The following DNAJC10 variants were observed in gnomAD, a reference collection of about 807,000 sequenced individuals.
DNAJC10 encodes DnaJ heat shock protein family (Hsp40) member C10.
DNAJC10 carries 101 observed loss-of-function variants against 115.0 expected under a neutral mutation model. That is an observed-to-expected ratio of 0.88 (90% CI 0.75 to 1.04). The LOEUF is 1.04. DNAJC10 is among the 50% of genes least tolerant of loss of function. The probability of loss-of-function intolerance (pLI) is 0.00; values close to 1 mark genes in which losing one functional copy is unlikely to be tolerated. For synonymous variants in DNAJC10, 307 were observed against 301.5 expected, an observed-to-expected ratio of 1.02 and a Z score of -0.19; for missense variants, 981 against 928.8, an observed-to-expected ratio of 1.06 and a Z score of -0.73.
rs1365173321 is a variant in DNAJC10 at position 182,780,345 on chromosome 2, TAAA to T, written c.*3215_*3217del. 3 of 152,134 alleles carry T rather than the reference TAAA, an allele frequency of 2.0e-5. No individual in the cohort carries two copies. Among genetic ancestry groups the T allele is most frequent in the African/African-American group, 4.8e-5 (2 of 41,410 alleles). The allele number at this position is 152,134 out of a possible 1,614,324, so 9.4% of individuals were successfully genotyped here. ...GTTTATTCCTGCAAGAGCTGGTTGT[TAAA>T]AGGAACTTGGCACCACCACCTCCTC... is the stretch of plus-strand genomic sequence containing the variant. On this transcript the variant is annotated 3_prime_UTR_variant, in exon 24 of 24. Transcript: ENST00000264065.
chr2:182,721,285 A>G (rs768173261), intron 4 of DNAJC10, among the ~76,000 whole-genome samples: 2 of 152,150 alleles, frequency 1.3e-5, no homozygotes, highest in Admixed American at 1.3e-4. Flanking sequence ...GATAGTCTAT[A>G]TCAAGAGTTA....
rs1694952841 is a variant in DNAJC10 at position 182,786,700 on chromosome 2, T to G, written c.*9568T>G. On this transcript the variant is annotated 3_prime_UTR_variant, in exon 24 of 24. Transcript: ENST00000264065. ...CCATTCTTGCCAAAGCCAAGTTCTC[T>G]CCCTCCCTCTCAACAGATTTCTCAG... 1 of 152,242 alleles carries G rather than the reference T, an allele frequency of 6.6e-6. No individual in the cohort carries two copies. Among genetic ancestry groups the G allele is most frequent in the Non-Finnish European group, 1.5e-5 (1 of 68,100 alleles). 9.4% of individuals were successfully genotyped at this position (152,242 alleles called of 1,614,324 possible). A position where few individuals can be genotyped will look rare whatever the true frequency, so the allele number is the denominator to read the frequency against.
In DNAJC10 at chr2:182,784,524, A is replaced by C. The variant is rs1694912030; in HGVS notation, c.*7392A>C. 6.6e-6 allele frequency: 1 copy of C among 152,190 alleles called. No individual in the cohort carries two copies. The highest frequency in any genetic ancestry group is 6.5e-5 in the Admixed American group (1 of 15,276). 9.4% of individuals were successfully genotyped at this position (152,190 alleles called of 1,614,324 possible). A position where few individuals can be genotyped will look rare whatever the true frequency, so the allele number is the denominator to read the frequency against. ...TGTGTATTTCAATTGACAAACAGCCAGAAGTATTATACTGTTGACTGTGTT... is the reference window on the plus strand; with the variant it reads ...TGTGTATTTCAATTGACAAACAGCCCGAAGTATTATACTGTTGACTGTGTT... On this transcript the variant is annotated 3_prime_UTR_variant, in exon 24 of 24. Transcript: ENST00000264065.
intron 3 of DNAJC10, among the ~76,000 whole-genome samples, chr2:182,718,566 C>T (rs1373764374): frequency 2.0e-5 from 3 of 152,046 alleles, no homozygotes; most frequent in Non-Finnish European, 4.4e-5. Context: ...CGATAATATC[C>T]GTGAAGTAGT....
Position 182,748,044 on chromosome 2 carries a change from G to A in DNAJC10, c.1307-3614G>A, listed in dbSNP as rs1181329674. ...TGCTGGATTACATTTATTGATTTGCGTATATTGAACCAGCCTTGCATCCCA... is the reference window on the plus strand; with the variant it reads ...TGCTGGATTACATTTATTGATTTGCATATATTGAACCAGCCTTGCATCCCA... On this transcript the variant is annotated intron_variant, in intron 14 of 23. Coordinates refer to ENST00000264065, the MANE Select transcript of DNAJC10 (RefSeq NM_018981.4). Among the ~76,000 whole-genome samples, 107 of 143,964 alleles carry A rather than the reference G, an allele frequency of 7.4e-4. No individual in the cohort carries two copies. In the Middle Eastern group the frequency reaches 0.01, roughly 14 times the overall value. The allele number at this position is 143,964 out of a possible 152,430, so 94.4% of individuals were successfully genotyped here. A position where few individuals can be genotyped will look rare whatever the true frequency, so the allele number is the denominator to read the frequency against.
intron 12 of DNAJC10, among the ~76,000 whole-genome samples, chr2:182,740,876 A>G (rs547827674): frequency 6.6e-6 from 1 of 152,262 alleles, no homozygotes; most frequent in African/African-American, 2.4e-5. Context: ...AAAACCAAAT[A>G]CTTCCTAACC....
intron 4 of DNAJC10, among the ~76,000 whole-genome samples, chr2:182,721,787 A>G (rs2105607644): frequency 6.6e-6 from 1 of 152,210 alleles, no homozygotes; most frequent in South Asian, 2.1e-4. Flanking sequence ...AATATTACGA[A>G]CTACCGCATA....
At chr2:182,752,882 A>G (rs1176954615) in intron 16 of DNAJC10, among the ~76,000 whole-genome samples, 1 of 152,186 alleles carries the variant, frequency 6.6e-6, no homozygotes, top group Admixed American at 6.5e-5. Flanking sequence ...CATTGTATAT[A>G]GTGGAGGAGA....
intron 5 of DNAJC10, among the ~76,000 whole-genome samples, chr2:182,726,072 G>T (rs1157997548): frequency 6.6e-6 from 1 of 152,164 alleles, no homozygotes. Flanking sequence ...GTGTCATTAA[G>T]AACATCTGTG....
At chr2:182,760,027 GACTT>G (rs750967830) in intron 21 of DNAJC10, among the ~76,000 whole-genome samples, 5 of 152,118 alleles carry the variant, frequency 3.3e-5, no homozygotes, top group Non-Finnish European at 7.4e-5. Flanking sequence ...TTCCCTCTCT[GACTT>G]ACTAAGTTTC....
In DNAJC10 at chr2:182,785,187, C is replaced by G. The variant is rs1480000966; in HGVS notation, c.*8055C>G. On this transcript the variant is annotated 3_prime_UTR_variant, in exon 24 of 24. Transcript: ENST00000264065. ...TGCTATAGACATGTAAAGATACATA[C>G]ATGTATTGGAGCTCAGCAGATTCCC... 1 of 152,120 alleles carries G rather than the reference C, an allele frequency of 6.6e-6. No individual in the cohort carries two copies. The highest frequency in any genetic ancestry group is 2.4e-5 in the African/African-American group (1 of 41,424). The allele number at this position is 152,120 out of a possible 1,614,324, so 9.4% of individuals were successfully genotyped here.
intron 21 of DNAJC10, among the ~76,000 whole-genome samples, chr2:182,762,329 C>G (rs1694306492): frequency 6.6e-6 from 1 of 151,884 alleles, no homozygotes; most frequent in Non-Finnish European, 1.5e-5. Flanking sequence ...AAAGAGTGCC[C>G]AAAGAGTCCT....
chr2:182,718,080 A>G lies in DNAJC10; in HGVS notation c.-7A>G. Reference sequence around the variant, plus strand: ...TCACTTAAATCAGAACTTGCATAAGAAAGAGAATGGGAGTCTGGTTAAATA... The same window carrying G: ...TCACTTAAATCAGAACTTGCATAAGGAAGAGAATGGGAGTCTGGTTAAATA... On this transcript the variant is annotated 5_prime_UTR_variant, in exon 3 of 24. Coordinates refer to ENST00000264065, the MANE Select transcript of DNAJC10 (RefSeq NM_018981.4). The G allele has an allele frequency of 6.3e-7, 1 of 1,582,756 alleles. No individual in the cohort carries two copies. The highest frequency in any genetic ancestry group is 8.6e-7 in the Non-Finnish European group (1 of 1,163,790).
chr2:182,733,386 T>C (rs768227776), intron 10 of DNAJC10, among the ~76,000 whole-genome samples: 2 of 151,936 alleles, frequency 1.3e-5, no homozygotes, highest in Non-Finnish European at 2.9e-5. Flanking sequence ...CCTAGGCCTT[T>C]AGTTTTTCAG....
At chr2:182,736,121 G>A (rs1693578305) in intron 10 of DNAJC10, 128 bp from the exon 11 acceptor site, 1 of 686,914 alleles carries the variant, frequency 1.5e-6, no homozygotes, top group Non-Finnish European at 2.2e-6. Flanking sequence ...TAACTTTGCT[G>A]TAGAACTAAG....
chr2:182,757,563 C>T lies in DNAJC10; in HGVS notation c.1810-129C>T, dbSNP rs545228296. On this transcript the variant is annotated intron_variant, in intron 18 of 23. Transcript: ENST00000264065. ...GGTCTATTATATGTTAAACCCTTAT[C>T]CATTTTTATTGGGTAAAAGTCACTG... The T allele has an allele frequency of 1.6e-5, 10 of 625,710 alleles. No homozygotes were observed. In the South Asian group the frequency reaches 3.6e-4, roughly 23 times the overall value. The allele number at this position is 625,710 out of a possible 1,614,324, so 38.8% of individuals were successfully genotyped here.
chr2:182,717,645 G>A (rs1168969146), intron 2 of DNAJC10, among the ~76,000 whole-genome samples: 1 of 152,188 alleles, frequency 6.6e-6, no homozygotes, highest in African/African-American at 2.4e-5. Context: ...AGCACCTGTA[G>A]CTCATTGCCA....
intron 9 of DNAJC10, 28 bp downstream of exon 9, chr2:182,731,135 A>C (rs776482028): frequency 1.9e-5 from 29 of 1,539,188 alleles, no homozygotes; most frequent in Admixed American, 1.0e-4. Context: ...TTTTGTTGGA[A>C]TGAGAACATG....
chr2:182,762,480 G>A (rs1694310235), intron 21 of DNAJC10, among the ~76,000 whole-genome samples: 2 of 152,134 alleles, frequency 1.3e-5, no homozygotes, highest in South Asian at 4.1e-4. Context: ...AGGCAAAGGA[G>A]GGTTTATTTG....
Sources: allele counts gnomAD v4.1 joint callset (sites outside exome capture counted in the v4.1 genomes callset), GRCh38; gene constraint gnomAD v4.1.1; transcripts MANE v1.5; gene names NCBI Gene and HGNC (gene_info 2026-07-23, HGNC 2026-07-21).